The following MTCL1 variants were observed in gnomAD, a reference collection of about 807,000 sequenced individuals.
The protein encoded by MTCL1 is microtubule cross-linking factor 1.
Under a neutral mutation model 141.4 loss-of-function variants are expected in MTCL1, and 79 were observed. That is an observed-to-expected ratio of 0.56 (90% CI 0.47 to 0.67). The LOEUF is 0.67. MTCL1 is among the 30% of genes least tolerant of loss of function. The pLI is 0.00. For synonymous variants in MTCL1, 914 were observed against 875.8 expected, an observed-to-expected ratio of 1.04 and a Z score of -0.77; for missense variants, 2,177 against 2,113.9, an observed-to-expected ratio of 1.03 and a Z score of -0.59.
Position 8,765,199 on chromosome 18 carries a change from A to G in MTCL1, c.358-12634A>G, listed in dbSNP as rs141783810. On this transcript the variant is annotated intron_variant, in intron 4 of 16. Coordinates refer to ENST00000359865, the Ensembl canonical transcript of MTCL1. ...GTTTTTTGAAGCACATTTGCACCTC[A>G]GGATAAATGTCGTGGCAGCAGGCCT... is the stretch of plus-strand genomic sequence containing the variant. Among the ~76,000 whole-genome samples, 356 of 152,296 alleles carry G rather than the reference A, an allele frequency of 2.3e-3. 8 individuals are homozygous for G. The highest frequency in any genetic ancestry group is 8.2e-3 in the African/African-American group (339 of 41,560).
chr18:8,723,528 G>A (rs913502444), intron 4 of MTCL1, among the ~76,000 whole-genome samples: 5 of 152,172 alleles, frequency 3.3e-5, no homozygotes, highest in African/African-American at 9.7e-5. Context: ...TCAGGGGTCC[G>A]TGAGACAGCA....
Position 8,709,126 on chromosome 18 carries a change from G to A in MTCL1, c.1053+2413G>A, listed in dbSNP as rs534697751. 2.0e-5 allele frequency among the ~76,000 whole-genome samples: 3 copies of A among 152,274 alleles called. No individual in the cohort carries two copies. In the South Asian group the frequency reaches 6.2e-4, roughly 32 times the overall value. ...GCAGTAGTCATGCCTTTGCAGTGGT[G>A]GTTAGCGTGTGCCCTTTATAAATCA... On this transcript the variant is annotated intron_variant, in intron 1 of 13. Coordinates refer to the MTCL1 transcript ENST00000306329.
chr18:8,816,423 A>G (rs1377254707), intron 12 of MTCL1, among the ~76,000 whole-genome samples: 2 of 152,196 alleles, frequency 1.3e-5, no homozygotes, highest in Non-Finnish European at 2.9e-5. Context: ...ATGTTATGTG[A>G]TGTATGACTG....
At chr18:8,757,719 A>C (rs888098893) in intron 4 of MTCL1, among the ~76,000 whole-genome samples, 1 of 152,140 alleles carries the variant, frequency 6.6e-6, no homozygotes, top group African/African-American at 2.4e-5. Context: ...TTTTTTCAGG[A>C]GTATTGTCAT....
chr18:8,722,868 G>A (rs909811208), intron 4 of MTCL1, among the ~76,000 whole-genome samples: 11 of 152,186 alleles, frequency 7.2e-5, no homozygotes, highest in Non-Finnish European at 1.3e-4. Context: ...AGTAGGTGAA[G>A]ATTCTGTTGC....
chr18:8,825,110 C>T, exon 15 of MTCL1: 3 of 1,601,040 alleles, frequency 1.9e-6, no homozygotes, highest in Non-Finnish European at 1.7e-6. Flanking sequence ...CTGCCGTGCG[C>T]AGGGTCGACA....
rs2077175479 is a variant in MTCL1, at chr18:8,830,982, G to T, written c.*19-625G>T. On this transcript the variant is annotated intron_variant, in intron 16 of 16. Coordinates refer to ENST00000359865, the Ensembl canonical transcript of MTCL1. The surrounding 1 kb of genome is among the most constrained non-coding windows in gnomAD (Gnocchi z 6.4). ...GATTCTACCTTTTTAAAATGCTGCT[G>T]CAATTGAACAGTCATTAAAGAAAAC... 1.0e-6 allele frequency: 1 copy of T among 985,784 alleles called. No individual in the cohort carries two copies. The highest frequency in any genetic ancestry group is 1.2e-6 in the Non-Finnish European group (1 of 830,232). The allele number at this position is 985,784 out of a possible 1,614,324, so 61.1% of individuals were successfully genotyped here. A position where few individuals can be genotyped will look rare whatever the true frequency, so the allele number is the denominator to read the frequency against.
At chr18:8,706,581 A>C in exon 1 of MTCL1, 1 of 1,489,004 alleles carries the variant, frequency 6.7e-7, no homozygotes, top group East Asian at 2.8e-5. Flanking sequence ...GGCGCTCGCC[A>C]CCGGAGCGAC....
chr18:8,783,364 C>T lies in MTCL1; in HGVS notation c.418-166C>T, dbSNP rs748774776. Among the ~76,000 whole-genome samples the T allele has an allele frequency of 3.9e-5, 6 of 152,238 alleles. No individual in the cohort carries two copies. In the South Asian group the frequency reaches 6.2e-4, roughly 16 times the overall value. On this transcript the variant is annotated intron_variant, in intron 5 of 16. Coordinates refer to ENST00000359865, the Ensembl canonical transcript of MTCL1. ...CCCTCCACAAAGCCCCTGGGCCCAC[C>T]TCTGCTTTGTCTTGGCTGTTTCTCT...
chr18:8,748,566 GTA>G (rs1183814599), intron 4 of MTCL1, among the ~76,000 whole-genome samples: 1 of 150,456 alleles, frequency 6.6e-6, no homozygotes, highest in African/African-American at 2.4e-5. Flanking sequence ...GTATGTATGT[GTA>G]TATATATATA....
chr18:8,777,989 A>G (rs967624295), intron 5 of MTCL1, 97 bp downstream of exon 4: 2 of 1,154,526 alleles, frequency 1.7e-6, no homozygotes, highest in Admixed American at 1.9e-5. Context: ...CCTTTAAAAC[A>G]TCCAAAGAAA....
exon 17 of MTCL1, chr18:8,832,612 A>G (rs2077217123): frequency 6.6e-6 from 1 of 152,190 alleles, no homozygotes; most frequent in African/African-American, 2.4e-5. Context: ...CACCATTTTT[A>G]AATTATTGTG....
At chr18:8,709,632 A>G (rs894674664) in intron 1 of MTCL1, among the ~76,000 whole-genome samples, 2 of 152,140 alleles carry the variant, frequency 1.3e-5, no homozygotes, top group African/African-American at 4.8e-5. Context: ...TCGGCCCACA[A>G]ATTTTACGTT....
At chr18:8,824,530 C>G (rs1019047089) in intron 14 of MTCL1, among the ~76,000 whole-genome samples, 169 bp from the exon 14 acceptor site, 14 of 152,192 alleles carry the variant, frequency 9.2e-5, no homozygotes, top group African/African-American at 3.4e-4. Context: ...AATAAATGCC[C>G]GCAGGGTAAG....
chr18:8,827,014 A>G (rs1346308800), intron 15 of MTCL1, among the ~76,000 whole-genome samples: 1 of 152,216 alleles, frequency 6.6e-6, no homozygotes, highest in South Asian at 2.1e-4. Flanking sequence ...GGTGATGGCT[A>G]TGGTGATGCC....
chr18:8,762,794 G>GCA (rs969044843), intron 4 of MTCL1, among the ~76,000 whole-genome samples: 3 of 152,182 alleles, frequency 2.0e-5, no homozygotes, highest in Admixed American at 2.0e-4. Context: ...GGCAGGAAAA[G>GCA]CAGGAGGACT....
exon 1 of MTCL1, chr18:8,706,439 C>T: frequency 8.1e-7 from 1 of 1,227,716 alleles, no homozygotes; most frequent in Non-Finnish European, 1.0e-6. Flanking sequence ...CGAGGAGCGC[C>T]GCCGGGCAGC....
chr18:8,830,591 C>G lies in MTCL1; in HGVS notation c.*19-1016C>G. On this transcript the variant is annotated intron_variant, in intron 16 of 16. Coordinates refer to ENST00000359865, the Ensembl canonical transcript of MTCL1. The surrounding 1 kb of genome is among the most constrained non-coding windows in gnomAD (Gnocchi z 6.4). ...TCCTGGTCTTTTCAGTTGCTTGTCA[C>G]ATCTTTTTAAATCCTCCAACTCACT... The G allele has an allele frequency of 1.0e-6, 1 of 986,014 alleles. No homozygotes were observed. The highest frequency in any genetic ancestry group is 1.2e-6 in the Non-Finnish European group (1 of 830,354). 61.1% of individuals were successfully genotyped at this position (986,014 alleles called of 1,614,324 possible). A position where few individuals can be genotyped will look rare whatever the true frequency, so the allele number is the denominator to read the frequency against.
At chr18:8,743,266 T>C (rs926211165) in intron 4 of MTCL1, among the ~76,000 whole-genome samples, 1 of 152,228 alleles carries the variant, frequency 6.6e-6, no homozygotes, top group African/African-American at 2.4e-5. Context: ...CGTAAATGAA[T>C]TGATAAATGT....
Sources: gnomAD v4.1 joint callset for allele counts (sites outside exome capture counted in the v4.1 genomes callset) on GRCh38, gnomAD v4.1.1 for gene constraint, Gnocchi (gnomAD v3.1) non-coding constraint, MANE v1.5 for transcripts, NCBI Gene and HGNC (gene_info 2026-07-23, HGNC 2026-07-21) for gene names.